The following CTNNA3 variants were observed in gnomAD, a reference collection of about 807,000 sequenced individuals.
CTNNA3 encodes the protein catenin alpha-3.
CTNNA3 carries 76 observed loss-of-function variants against 95.7 expected under a neutral mutation model. The ratio of observed to expected loss-of-function variants is 0.79; its 90% CI spans 0.66 to 0.96. The LOEUF (loss-of-function observed/expected upper bound fraction) is 0.96, where lower values mean the gene tolerates loss of function less well. Ranked by LOEUF, CTNNA3 falls within the 40% of genes least tolerant of loss-of-function variation. The pLI, the probability that CTNNA3 is intolerant of heterozygous loss-of-function variation, is 0.00. For synonymous variants in CTNNA3, 431 were observed against 374.4 expected (o/e 1.15, Z -1.74); for missense variants, 1,191 against 1,089.8 (o/e 1.09, Z -1.31).
intron 11 of CTNNA3, among the ~76,000 whole-genome samples, chr10:66,380,621 CTATCTATATATA>C (rs2092830689): frequency 9.5e-6 from 1 of 105,762 alleles, no homozygotes. Context: ...ATCTATCTAT[CTATCTATATATA>C]TATATATATT....
At chr10:65,967,649 CT>C (rs2078002495) in intron 16 of CTNNA3, among the ~76,000 whole-genome samples, 1 of 152,166 alleles carries the variant, frequency 6.6e-6, no homozygotes, top group African/African-American at 2.4e-5. Flanking sequence ...ATTAAATTTC[CT>C]TATGAAAACC....
intron 5 of CTNNA3, among the ~76,000 whole-genome samples, chr10:67,469,524 C>T (rs976968246): frequency 2.0e-4 from 31 of 151,660 alleles, no homozygotes; most frequent in African/African-American, 7.0e-4. Flanking sequence ...AAACCAAACA[C>T]CGCATGTTCT....
chr10:67,246,710 C>T (rs747056528), intron 5 of CTNNA3, among the ~76,000 whole-genome samples: 3 of 152,142 alleles, frequency 2.0e-5, no homozygotes, highest in Non-Finnish European at 4.4e-5. Flanking sequence ...ATTCATGGGA[C>T]ACTTAAAGGT....
chr10:66,774,962 G>A (rs917728227), intron 8 of CTNNA3, among the ~76,000 whole-genome samples: 8 of 152,076 alleles, frequency 5.3e-5, no homozygotes, highest in African/African-American at 1.9e-4. Flanking sequence ...AATGGAAGGA[G>A]GAATGGGTAG....
At chr10:67,578,333 TC>T (rs927684198) in intron 3 of CTNNA3, among the ~76,000 whole-genome samples, 2 of 128,666 alleles carry the variant, frequency 1.6e-5, no homozygotes, top group Admixed American at 1.6e-4. Context: ...ATTCTAGTGT[TC>T]CTTGTAGAGA....
chr10:66,633,731 C>T (rs1204061636), intron 9 of CTNNA3, among the ~76,000 whole-genome samples: 1 of 152,154 alleles, frequency 6.6e-6, no homozygotes, highest in Middle Eastern at 3.4e-3. Context: ...AGTATAATGT[C>T]CACAGTGATA....
At chr10:66,358,357 A>C (rs2092627481) in intron 12 of CTNNA3, among the ~76,000 whole-genome samples, 1 of 152,058 alleles carries the variant, frequency 6.6e-6, no homozygotes, top group Non-Finnish European at 1.5e-5. Context: ...ATGGGGAAAA[A>C]AAGGGGAGTC....
chr10:66,494,297 C>G (rs557322607), intron 11 of CTNNA3, among the ~76,000 whole-genome samples: 9 of 152,168 alleles, frequency 5.9e-5, no homozygotes, highest in Non-Finnish European at 1.3e-4. Context: ...TTTTAAAAAT[C>G]CAGAAAAGAA....
intron 5 of CTNNA3, among the ~76,000 whole-genome samples, chr10:67,441,817 C>A (rs1846530624): frequency 6.6e-6 from 1 of 151,984 alleles, no homozygotes; most frequent in South Asian, 2.1e-4. Flanking sequence ...TCTCTTCAAG[C>A]AGAAAGAAAA....
intron 12 of CTNNA3, 43 bp downstream of exon 12, chr10:66,379,109 C>T: frequency 4.0e-6 from 6 of 1,490,380 alleles, no homozygotes; most frequent in Non-Finnish European, 5.6e-6. Context: ...TATGTAGATT[C>T]AAATAAGAGA....
intron 5 of CTNNA3, among the ~76,000 whole-genome samples, chr10:67,370,684 G>T (rs28623217): frequency 0.041 from 6,224 of 151,958 alleles, 182 homozygotes; most frequent in South Asian, 0.1. Flanking sequence ...TCACTATTTG[G>T]TATATTTGCT....
At chr10:67,482,531 C>T (rs1848275233) in intron 5 of CTNNA3, among the ~76,000 whole-genome samples, 1 of 152,084 alleles carries the variant, frequency 6.6e-6, no homozygotes, top group East Asian at 1.9e-4. Flanking sequence ...GGAGTTCACT[C>T]ATGATTTGGC....
chr10:67,329,661 TA>T (rs934447738), intron 5 of CTNNA3, among the ~76,000 whole-genome samples: 2 of 152,284 alleles, frequency 1.3e-5, no homozygotes, highest in Middle Eastern at 3.4e-3. Context: ...TGGGAAGAGA[TA>T]AAAAACTCAA....
At chr10:67,414,858 A>G (rs1469211036) in intron 5 of CTNNA3, among the ~76,000 whole-genome samples, 2 of 152,250 alleles carry the variant, frequency 1.3e-5, no homozygotes, top group Non-Finnish European at 2.9e-5. Flanking sequence ...CGTTTGTTGC[A>G]CATGTTGCAA....
In CTNNA3 at chr10:66,335,600, C is replaced by T. The variant is rs1244791642; in HGVS notation, c.1732+43552G>A. The stretch of plus-strand genomic sequence containing the variant: ...GATTGTTCCTCTGGAAGTTTTGTCC[C>T]AGAGGAGTACCCGGCCATGTGAAGT... On this transcript the variant is annotated intron_variant, in intron 12 of 17. Transcript: ENST00000433211. Among the ~76,000 whole-genome samples, 7 of 152,048 alleles carry T rather than the reference C, an allele frequency of 4.6e-5. 1 individual carries two copies. Among genetic ancestry groups the T allele is most frequent in the Non-Finnish European group, 4.4e-5 (3 of 67,980 alleles).
intron 12 of CTNNA3, among the ~76,000 whole-genome samples, chr10:66,307,251 C>A (rs2091947510): frequency 6.6e-6 from 1 of 152,058 alleles, no homozygotes; most frequent in African/African-American, 2.4e-5. Flanking sequence ...TAAAGGAGTG[C>A]ATGTTGAAGT....
chr10:66,202,770 C>A (rs1052439800), intron 13 of CTNNA3, among the ~76,000 whole-genome samples: 4 of 152,170 alleles, frequency 2.6e-5, no homozygotes, highest in Non-Finnish European at 5.9e-5. Context: ...CATACTACTT[C>A]TCTTTCCTCT....
chr10:67,731,779 G>A (rs1841275739), intron 1 of CTNNA3, among the ~76,000 whole-genome samples: 1 of 148,932 alleles, frequency 6.7e-6, no homozygotes, highest in Admixed American at 6.7e-5. Context: ...TCCCGCCTGG[G>A]CAACGTGCAA....
chr10:66,847,780 G>T (rs1450515770), intron 7 of CTNNA3, among the ~76,000 whole-genome samples: 2 of 152,192 alleles, frequency 1.3e-5, no homozygotes, highest in African/African-American at 2.4e-5. Flanking sequence ...GTTGGTAAGG[G>T]TATAAATGTA....
Sources: gnomAD v4.1 joint callset for allele counts (sites outside exome capture counted in the v4.1 genomes callset) on GRCh38, gnomAD v4.1.1 for gene constraint, MANE v1.5 for transcripts, NCBI Gene and HGNC (gene_info 2026-07-23, HGNC 2026-07-21) for gene names.